NLRP5: variants seen among roughly 807,000 people sequenced by gnomAD.
NLRP5 encodes NLR family pyrin domain containing 5, also known as NACHT, LRR and PYD domains-containing protein 5.
Under a neutral mutation model 113.1 loss-of-function variants are expected in NLRP5, and 93 were observed. The observed-to-expected ratio is 0.82, with a 90% CI of 0.70 to 0.98. The LOEUF is 0.98. NLRP5 is among the 50% of genes least tolerant of loss of function. The pLI, the probability that NLRP5 is intolerant of heterozygous loss-of-function variation, is 0.00. For synonymous variants in NLRP5, 751 were observed against 600.7 expected (o/e 1.25, Z -3.66); for missense variants, 1,808 against 1,514.3 (o/e 1.19, Z -3.22).
chr19:56,052,562 A>G (rs1175589007), intron 12 of NLRP5, among the ~76,000 whole-genome samples: 3 of 152,068 alleles, frequency 2.0e-5, no homozygotes, highest in African/African-American at 7.2e-5. Context: ...GAGCCACTGT[A>G]CCCAGCCTGC....
chr19:56,008,647 A>G (rs1475032744), intron 2 of NLRP5, 141 bp from the exon 3 acceptor site: 2 of 714,596 alleles, frequency 2.8e-6, no homozygotes, highest in African/African-American at 3.5e-5. Context: ...TCTCCGTTAT[A>G]GGCCAATCAT....
chr19:56,040,500 G>C (rs2123322771), intron 10 of NLRP5, among the ~76,000 whole-genome samples: 1 of 152,294 alleles, frequency 6.6e-6, no homozygotes, highest in South Asian at 2.1e-4. Flanking sequence ...CCTGAGAGCA[G>C]AGGTTGCAGT....
intron 3 of NLRP5, among the ~76,000 whole-genome samples, chr19:56,009,524 A>C (rs1225905178): frequency 3.3e-5 from 5 of 151,984 alleles, no homozygotes; most frequent in Non-Finnish European, 7.4e-5. Context: ...CAATTCCCCA[A>C]ACATTAGAGC....
chr19:56,033,637 AC>A lies in NLRP5; in HGVS notation c.2545del (p.Leu849Ter). On this transcript the variant is annotated frameshift_variant, in exon 9 of 15. Transcript: ENST00000390649. LOFTEE classifies it high-confidence loss of function. ...AGATCCCTCAACTTGGGAGGCACCC[AC>A]CTGAAGGAAGAGGATGTAAGGATGG... 1 of 1,613,906 alleles carries A rather than the reference AC, an allele frequency of 6.2e-7. No homozygotes were observed. Among genetic ancestry groups the A allele is most frequent in the South Asian group, 1.1e-5 (1 of 91,082 alleles).
At chr19:56,021,230 A>C (rs1982605496) in intron 6 of NLRP5, among the ~76,000 whole-genome samples, 1 of 152,174 alleles carries the variant, frequency 6.6e-6, no homozygotes, top group Non-Finnish European at 1.5e-5. Flanking sequence ...AATGAAGATG[A>C]GTCTAAAGTG....
chr19:56,024,344 A>G (rs1982728254), intron 6 of NLRP5, among the ~76,000 whole-genome samples: 1 of 143,942 alleles, frequency 6.9e-6, no homozygotes, highest in Non-Finnish European at 1.5e-5. Flanking sequence ...TCTGCTTAAA[A>G]AAAAAAAAAA....
chr19:56,020,957 T>C (rs972792395), intron 6 of NLRP5, among the ~76,000 whole-genome samples: 1 of 150,762 alleles, frequency 6.6e-6, no homozygotes, highest in African/African-American at 2.4e-5. Flanking sequence ...CAGTGCAACC[T>C]CTGCCTCCCA....
chr19:56,054,802 G>C (rs1251505272), intron 13 of NLRP5, among the ~76,000 whole-genome samples: 1 of 151,990 alleles, frequency 6.6e-6, no homozygotes, highest in African/African-American at 2.4e-5. Flanking sequence ...TACGGTGATG[G>C]AAATATTCTG....
chr19:56,032,946 G>T (rs1445974333), intron 8 of NLRP5, among the ~76,000 whole-genome samples, 165 bp downstream of exon 8: 1 of 152,072 alleles, frequency 6.6e-6, no homozygotes, highest in Non-Finnish European at 1.5e-5. Flanking sequence ...GTGGGGAGTC[G>T]CTAAAGACCT....
At chr19:56,039,974 G>A (rs530005723) in intron 10 of NLRP5, among the ~76,000 whole-genome samples, 4 of 152,196 alleles carry the variant, frequency 2.6e-5, no homozygotes, top group Non-Finnish European at 4.4e-5. Context: ...ATGTAGTTTT[G>A]GGGGGTGGTC....
At chr19:55,998,644 C>G (rs1467930806), upstream of NLRP5, among the ~76,000 whole-genome samples, 1 of 112,110 alleles carries the variant, frequency 8.9e-6, no homozygotes, top group East Asian at 2.9e-4. Context: ...CAATGCAAGC[C>G]TTCGTCTCAA....
chr19:55,997,586 CT>C (rs1391286849), upstream of NLRP5, among the ~76,000 whole-genome samples: 1 of 152,140 alleles, frequency 6.6e-6, no homozygotes, highest in African/African-American at 2.4e-5. Context: ...AATCCCAGCA[CT>C]CTGGGAAGCC....
intron 10 of NLRP5, among the ~76,000 whole-genome samples, chr19:56,038,443 A>G (rs368039347): frequency 2.0e-5 from 3 of 152,326 alleles, no homozygotes; most frequent in African/African-American, 4.8e-5. Flanking sequence ...TGGAAATTGC[A>G]TAATGACCTT....
intron 4 of NLRP5, 27 bp downstream of exon 4, chr19:56,015,825 T>A: frequency 1.3e-6 from 2 of 1,524,390 alleles, no homozygotes; most frequent in Non-Finnish European, 1.8e-6. Flanking sequence ...TATTCATTTG[T>A]TGCCCTCCTG....
intron 6 of NLRP5, among the ~76,000 whole-genome samples, chr19:56,020,688 C>G (rs1417941449): frequency 6.7e-6 from 1 of 149,646 alleles, no homozygotes; most frequent in Non-Finnish European, 1.5e-5. Context: ...GGACTCGAAT[C>G]AATCACAACT....
At chr19:55,993,837 G>A in the NLRP5 span, among the ~76,000 whole-genome samples, 9 of 151,056 alleles carry the variant, frequency 6.0e-5, no homozygotes, top group African/African-American at 2.2e-4. Context: ...TTTTTTGAAG[G>A]CTGAAACATG....
rs1317068811 is a variant in NLRP5 at position 56,028,187 on chromosome 19, C to A, written c.1954C>A (p.Leu652Met). 1 of 1,613,998 alleles carries A rather than the reference C, an allele frequency of 6.2e-7. No individual in the cohort carries two copies. Among genetic ancestry groups the A allele is most frequent in the East Asian group, 2.2e-5 (1 of 44,878 alleles). Residue 652 changes from leucine (L) to methionine (M), a missense_variant, in exon 7 of 15, where the codon CTG becomes ATG. Coordinates refer to ENST00000390649, the MANE Select transcript of NLRP5 (RefSeq NM_153447.4). ...AGACGTAAGGAGGCCACTGGAGGTC[C>A]TGCTGGGCTGTCCCGTTCCCCTGGG...
intron 2 of NLRP5, among the ~76,000 whole-genome samples, chr19:56,005,314 TATAC>T (rs1307340429): frequency 8.9e-5 from 13 of 146,568 alleles, no homozygotes; most frequent in African/African-American, 3.3e-4. Context: ...TATATTTATA[TATAC>T]ACACATATTT....
In NLRP5 at chr19:56,028,323, A is replaced by G. The variant is rs1438937637; in HGVS notation, c.2090A>G (p.Lys697Arg). Reference sequence around the variant, plus strand: ...CACTGTCTTTTCGAGACTCAAGACAAAGAGTTTGTTCGCTTGGCATTAAAC... The same window carrying G: ...CACTGTCTTTTCGAGACTCAAGACAGAGAGTTTGTTCGCTTGGCATTAAAC... Residue 697 changes from lysine (K) to arginine (R), a missense_variant, in exon 7 of 15, where the codon AAA (lysine) becomes AGA (arginine). Physicochemically the swap from Lys to Arg is conservative, Grantham distance 26 (BLOSUM62 2). Transcript: ENST00000390649. 1.9e-6 allele frequency: 3 copies of G among 1,613,120 alleles called. No homozygotes were observed. The highest frequency in any genetic ancestry group is 1.3e-5 in the African/African-American group (1 of 74,908).
Sources: gnomAD v4.1 joint callset for allele counts (sites outside exome capture counted in the v4.1 genomes callset) on GRCh38, gnomAD v4.1.1 for gene constraint, MANE v1.5 for transcripts, NCBI Gene and HGNC (gene_info 2026-07-23, HGNC 2026-07-21) for gene names.